Variants in SYNE1 observed in about 807,000 individuals in gnomAD.
SYNE1 encodes the protein spectrin repeat containing nuclear envelope protein 1.
A neutral mutation model predicts 1,111.0 loss-of-function variants in SYNE1; 616 were observed. The observed-to-expected ratio is 0.55, with a 90% CI of 0.52 to 0.59. The LOEUF is 0.59. Among genes scored for constraint, SYNE1 ranks in the 20% least tolerant of loss-of-function variants. The probability of loss-of-function intolerance (pLI) is 0.00; values close to 1 mark genes in which losing one functional copy is unlikely to be tolerated. For synonymous variants in SYNE1, 3,855 were observed against 3,825.8 expected (o/e 1.01, Z -0.28); for missense variants, 10,006 against 10,417.0 (o/e 0.96, Z 1.72).
intron 104 of SYNE1, among the ~76,000 whole-genome samples, chr6:152,253,104 C>A (rs186958455): frequency 1.3e-5 from 2 of 152,260 alleles, no homozygotes; most frequent in Admixed American, 1.3e-4. Flanking sequence ...AGGGACAAGA[C>A]TGAGTTGCTG....
intron 97 of SYNE1, among the ~76,000 whole-genome samples, chr6:152,278,921 C>A (rs534016147): frequency 6.6e-6 from 1 of 151,898 alleles, no homozygotes; most frequent in South Asian, 2.1e-4. Flanking sequence ...ACATGTGACA[C>A]CACACCTGGC....
chr6:152,362,616 G>A (rs548472435), intron 63 of SYNE1, among the ~76,000 whole-genome samples: 4 of 152,206 alleles, frequency 2.6e-5, no homozygotes, highest in African/African-American at 9.6e-5. Context: ...AGCCTCAAAG[G>A]CAAAACTGAG....
chr6:152,280,916 C>G (rs1482950890), intron 97 of SYNE1, among the ~76,000 whole-genome samples: 1 of 151,912 alleles, frequency 6.6e-6, no homozygotes, highest in Admixed American at 6.6e-5. Context: ...TTATGAATCT[C>G]AAATCACAAA....
At chr6:152,502,271 A>G (rs2099033977) in intron 10 of SYNE1, among the ~76,000 whole-genome samples, 1 of 152,236 alleles carries the variant, frequency 6.6e-6, no homozygotes, top group Non-Finnish European at 1.5e-5. Context: ...AGATTTGATC[A>G]GATCAACCAG....
chr6:152,201,235 C>T (rs2075348470), intron 127 of SYNE1, among the ~76,000 whole-genome samples: 1 of 152,094 alleles, frequency 6.6e-6, no homozygotes, highest in Non-Finnish European at 1.5e-5. Context: ...TTGTGTTGGT[C>T]TCGGTGAGCT....
chr6:152,327,189 T>C (rs1213222624), intron 78 of SYNE1, among the ~76,000 whole-genome samples: 3 of 151,514 alleles, frequency 2.0e-5, no homozygotes, highest in African/African-American at 4.9e-5. Context: ...ACTTGGGAGG[T>C]TGAGGCACAA....
intron 130 of SYNE1, among the ~76,000 whole-genome samples, chr6:152,165,071 C>CA (rs2063345359): frequency 8.5e-6 from 1 of 117,596 alleles, no homozygotes; most frequent in Non-Finnish European, 1.9e-5. Flanking sequence ...CAGATATTCG[C>CA]GCCCCCTCCC....
At chr6:152,257,905 TA>T (rs1464582358) in intron 101 of SYNE1, among the ~76,000 whole-genome samples, 1 of 151,936 alleles carries the variant, frequency 6.6e-6, no homozygotes, top group East Asian at 1.9e-4. Flanking sequence ...TTCTTAAATA[TA>T]AAAAAAGTAC....
chr6:152,444,014 A>G (rs2098555042), intron 30 of SYNE1, among the ~76,000 whole-genome samples: 1 of 152,228 alleles, frequency 6.6e-6, no homozygotes, highest in Non-Finnish European at 1.5e-5. Context: ...TAAGTTGAAG[A>G]GAAAGATTTT....
chr6:152,416,744 T>G lies in SYNE1; in HGVS notation c.5693A>C (p.Asn1898Thr), dbSNP rs917922270. 1.2e-6 allele frequency: 2 copies of G among 1,614,242 alleles called. No individual in the cohort carries two copies. Among genetic ancestry groups the G allele is most frequent in the East Asian group, 4.5e-5 (2 of 44,884 alleles). Reference sequence around the variant, plus strand: ...TTCTATCAAATCAGACTCGTTCTTATTCATACTGTTGGTTGCTTCCACTGT... The same window carrying G: ...TTCTATCAAATCAGACTCGTTCTTAGTCATACTGTTGGTTGCTTCCACTGT... The part of the protein sequence containing the change: ...RQTVEATNSM[N>T]KNESDLIEKD... Residue 1898 changes from asparagine to threonine, a missense_variant, in exon 41 of 146, where the codon AAT becomes ACT. Coordinates refer to ENST00000367255, the MANE Select transcript of SYNE1 (RefSeq NM_182961.4).
rs1381522119 is a variant in SYNE1 at position 152,330,474 on chromosome 6, T to C, written c.14211A>G (p.Lys4737=). The C allele has an allele frequency of 1.9e-6, 3 of 1,614,170 alleles. No individual in the cohort carries two copies. The highest frequency in any genetic ancestry group is 4.5e-5 in the East Asian group (2 of 44,884). ...GCTGACCTGTGCTGCGAAAACCTTCTTTTTTCTGGTTCAGTTCATCCACCG... is the reference window on the plus strand; with the variant it reads ...GCTGACCTGTGCTGCGAAAACCTTCCTTTTTCTGGTTCAGTTCATCCACCG... ...GEAVDELNQK[K]EGFRSTGQPW... is the part of the protein sequence containing the mutation. Residue 4737 remains lysine, a synonymous_variant, in exon 78 of 146, where the codon AAA becomes AAG. Coordinates refer to ENST00000367255, the MANE Select transcript of SYNE1 (RefSeq NM_182961.4).
intron 64 of SYNE1, among the ~76,000 whole-genome samples, chr6:152,359,877 G>C (rs1323091138): frequency 6.6e-6 from 1 of 150,856 alleles, no homozygotes; most frequent in Non-Finnish European, 1.5e-5. Flanking sequence ...CAGAACATGG[G>C]AATTGTTCCA....
At chr6:152,297,914 A>G (rs1589534315) in intron 93 of SYNE1, among the ~76,000 whole-genome samples, 2 of 152,172 alleles carry the variant, frequency 1.3e-5, no homozygotes, top group East Asian at 3.9e-4. Context: ...ATAGATGAAT[A>G]ATTTCTATTT....
intron 107 of SYNE1, among the ~76,000 whole-genome samples, chr6:152,240,497 C>T (rs1486422680): frequency 6.6e-6 from 1 of 152,130 alleles, no homozygotes; most frequent in East Asian, 1.9e-4. Context: ...TTGCGCCATC[C>T]TACTAATGTT....
At chr6:152,569,799 G>A (rs1300592668) in intron 3 of SYNE1, among the ~76,000 whole-genome samples, 4 of 152,228 alleles carry the variant, frequency 2.6e-5, no homozygotes, top group African/African-American at 9.6e-5. Context: ...AAAACAATTT[G>A]GGTATATAAA....
intron 74 of SYNE1, among the ~76,000 whole-genome samples, chr6:152,339,788 T>C (rs1215897267): frequency 1.3e-5 from 2 of 152,222 alleles, no homozygotes; most frequent in Non-Finnish European, 2.9e-5. Context: ...GGAGTGAGGT[T>C]AAAACACAGA....
At chr6:152,474,575 A>G (rs1285548306) in intron 14 of SYNE1, 1 of 152,286 alleles carries the variant, frequency 6.6e-6, no homozygotes, top group Non-Finnish European at 1.5e-5. Flanking sequence ...GAAAGCAGAG[A>G]CCACGAACCA....
In SYNE1 at chr6:152,369,455, G is replaced by A. The variant is rs764918217; in HGVS notation, c.9651+16C>T. 17 of 1,614,108 alleles carry A rather than the reference G, an allele frequency of 1.1e-5. 1 individual carries two copies. Among genetic ancestry groups the A allele is most frequent in the Middle Eastern group, 3.3e-4 (2 of 6,050 alleles). The stretch of plus-strand genomic sequence containing the variant: ...AGACTAGGTCAGATGGGGCTACGGG[G>A]AGGCGGGCTCATCACCTGGAGCTTC... On this transcript the variant is annotated intron_variant, in intron 60 of 145. Transcript: ENST00000367255.
intron 77 of SYNE1, 104 bp downstream of exon 77, chr6:152,333,904 A>G: frequency 6.7e-7 from 1 of 1,503,322 alleles, no homozygotes; most frequent in Non-Finnish European, 9.2e-7. Context: ...AAGTGCTGGG[A>G]TTACAGGCAT....
Sources: allele counts gnomAD v4.1 joint callset (sites outside exome capture counted in the v4.1 genomes callset), GRCh38; gene constraint gnomAD v4.1.1; transcripts MANE v1.5; gene names NCBI Gene and HGNC (gene_info 2026-07-23, HGNC 2026-07-21).